CPS1: variants seen among roughly 807,000 people sequenced by gnomAD.
The protein encoded by CPS1 is carbamoyl-phosphate synthase 1, also known as carbamoyl-phosphate synthase [ammonia], mitochondrial.
In CPS1, 109 loss-of-function variants were observed where a neutral mutation model predicts 174.6. The ratio of observed to expected loss-of-function variants is 0.62; its 90% CI spans 0.53 to 0.73. The LOEUF (loss-of-function observed/expected upper bound fraction) is 0.73. Ranked by LOEUF, CPS1 falls within the 30% of genes least tolerant of loss-of-function variation. CPS1 has a pLI of 0.00. For missense variants in CPS1, 1,689 were observed against 1,821.9 expected (o/e 0.93, Z 1.33); for synonymous variants, 637 against 632.0 (o/e 1.01, Z -0.12).
intron 36 of CPS1, 59 bp downstream of exon 36, chr2:210,675,899 T>C: frequency 1.2e-6 from 1 of 837,930 alleles, no homozygotes; most frequent in South Asian, 1.3e-5. Flanking sequence ...TGAGAACCAG[T>C]ATATGAATAT....
chr2:210,616,908 A>C (rs1192265461), intron 21 of CPS1, among the ~76,000 whole-genome samples: 1 of 151,946 alleles, frequency 6.6e-6, no homozygotes, highest in Non-Finnish European at 1.5e-5. Flanking sequence ...GTTTTCTATA[A>C]ATTTTCCTCT....
intron 21 of CPS1, among the ~76,000 whole-genome samples, chr2:210,631,990 G>T (rs530277117): frequency 8.5e-5 from 13 of 152,114 alleles, no homozygotes; most frequent in Non-Finnish European, 1.8e-4. Context: ...AAGCTGTCTT[G>T]ATTTACAACA....
chr2:210,483,976 TG>T (rs1368341223), intron 1 of CPS1, among the ~76,000 whole-genome samples: 1 of 152,228 alleles, frequency 6.6e-6, no homozygotes, highest in Non-Finnish European at 1.5e-5. Flanking sequence ...GAGTGCATAT[TG>T]TATTCTAGGT....
intron 21 of CPS1, among the ~76,000 whole-genome samples, chr2:210,628,774 T>G (rs1699771250): frequency 6.6e-6 from 1 of 151,778 alleles, no homozygotes. Context: ...CACTTCAGCC[T>G]GGGCAACAGA....
intron 33 of CPS1, among the ~76,000 whole-genome samples, chr2:210,664,559 G>T (rs917838338): frequency 9.2e-5 from 14 of 152,004 alleles, no homozygotes; most frequent in Admixed American, 7.9e-4. Flanking sequence ...GGCTGGTCTC[G>T]AACTCCTGAC....
intron 28 of CPS1, among the ~76,000 whole-genome samples, chr2:210,651,341 T>C (rs1005913093): frequency 8.6e-5 from 13 of 151,938 alleles, no homozygotes; most frequent in African/African-American, 3.1e-4. Flanking sequence ...GTGGTAAGAG[T>C]AGATAAGAAT....
chr2:210,519,380 A>G (rs1420038148), intron 1 of CPS1, among the ~76,000 whole-genome samples: 2 of 152,058 alleles, frequency 1.3e-5, no homozygotes, highest in Non-Finnish European at 2.9e-5. Flanking sequence ...ACTATAATTC[A>G]TCACTTTAGT....
intron 37 of CPS1, among the ~76,000 whole-genome samples, chr2:210,677,554 T>G (rs2105946609): frequency 6.6e-6 from 1 of 152,390 alleles, no homozygotes; most frequent in Middle Eastern, 3.4e-3. Context: ...TCAGTTTCAC[T>G]TGGACATGAC....
Position 210,632,690 on chromosome 2 carries a change from A to G in CPS1, c.2688-5012A>G, listed in dbSNP as rs537217272. ...TGGCCCTGGTGGGTCAGTATCAACA[A>G]TGATTTCTCAGTGAGGAGGATTGCT... On this transcript the variant is annotated intron_variant, in intron 21 of 37. Transcript: ENST00000233072. Among the ~76,000 whole-genome samples, 17 of 152,296 alleles carry G rather than the reference A, an allele frequency of 1.1e-4. No individual in the cohort carries two copies. The South Asian group carries it at 2.9e-3, about 26-fold the overall frequency.
At chr2:210,531,743 G>A (rs1696120546) in intron 1 of CPS1, among the ~76,000 whole-genome samples, 1 of 152,108 alleles carries the variant, frequency 6.6e-6, no homozygotes. Context: ...ATTGATAGGA[G>A]GTGAAACTTT....
At chr2:210,554,224 C>CATAT (rs10653219), upstream of CPS1, among the ~76,000 whole-genome samples, 7 of 115,410 alleles carry the variant, frequency 6.1e-5, no homozygotes, top group South Asian at 5.4e-4. Flanking sequence ...TATACACACA[C>CATAT]ATATATATAT....
chr2:210,643,543 A>G (rs1001511264), intron 25 of CPS1, among the ~76,000 whole-genome samples: 1 of 152,118 alleles, frequency 6.6e-6, no homozygotes, highest in Admixed American at 6.5e-5. Flanking sequence ...TCCGTGCTTT[A>G]TCTTTATTTT....
At chr2:210,669,907 A>T (rs1701240178) in intron 34 of CPS1, among the ~76,000 whole-genome samples, 1 of 152,150 alleles carries the variant, frequency 6.6e-6, no homozygotes, top group Non-Finnish European at 1.5e-5. Flanking sequence ...TGCCACTTTA[A>T]GAAGGCAGTG....
At chr2:210,484,094 C>T (rs1694650437) in intron 1 of CPS1, among the ~76,000 whole-genome samples, 1 of 151,990 alleles carries the variant, frequency 6.6e-6, no homozygotes, top group African/African-American at 2.4e-5. Context: ...CTAAGGAAAC[C>T]ATGAGAACTC....
At chr2:210,520,768 T>G (rs1022920087) in intron 1 of CPS1, among the ~76,000 whole-genome samples, 1 of 152,044 alleles carries the variant, frequency 6.6e-6, no homozygotes, top group Non-Finnish European at 1.5e-5. Context: ...TTGTTGTGTT[T>G]GGCAATCAAT....
chr2:210,544,657 G>C (rs1696515759), intron 1 of CPS1, among the ~76,000 whole-genome samples: 1 of 152,026 alleles, frequency 6.6e-6, no homozygotes, highest in Non-Finnish European at 1.5e-5. Flanking sequence ...GTACTAGTTT[G>C]AGAGGGTAGC....
At position 210,606,762 on chromosome 2, in the gene CPS1, A is replaced by T. The variant is rs200587773; in HGVS notation, c.2013A>T (p.Thr671=). Residue 671 remains threonine (T), a synonymous_variant, in exon 18 of 38, where the codon ACA becomes ACT. Coordinates refer to ENST00000233072, the MANE Select transcript of CPS1 (RefSeq NM_001875.5). ...CAGTTGTTGTGGCTCCTGCCCAGAC[A>T]CTCTCCAATGCCGAGTTTCAGATGT... ...GDSVVVAPAQ[T]LSNAEFQMLR... 6.8e-6 allele frequency: 11 copies of T among 1,612,366 alleles called. No homozygotes were observed. Among genetic ancestry groups the T allele is most frequent in the Non-Finnish European group, 9.3e-6 (11 of 1,179,016 alleles).
intron 21 of CPS1, chr2:210,618,951 T>C (rs1416070386): frequency 6.6e-6 from 1 of 152,114 alleles, no homozygotes; most frequent in African/African-American, 2.4e-5. Flanking sequence ...TATGGTTTAC[T>C]TTGAAGATCT....
In CPS1 at chr2:210,507,195, A is replaced by C. The variant is rs188345959; in HGVS notation, c.3+29429A>C. Among the ~76,000 whole-genome samples, 14 of 152,366 alleles carry C rather than the reference A, an allele frequency of 9.2e-5. No individual in the cohort carries two copies. In the East Asian group the frequency reaches 2.7e-3, roughly 29 times the overall value. The stretch of plus-strand genomic sequence containing the variant: ...ATGGATCTCTCGGCAGAAACTCTAG[A>C]AGGCAGAAGAGAGTGGGGGCCAATA... On this transcript the variant is annotated intron_variant, in intron 1 of 38. Transcript: ENST00000430249.
Sources: allele counts gnomAD v4.1 joint callset (sites outside exome capture counted in the v4.1 genomes callset), GRCh38; gene constraint gnomAD v4.1.1; transcripts MANE v1.5; gene names NCBI Gene and HGNC (gene_info 2026-07-23, HGNC 2026-07-21).